METTL15: variants seen among roughly 807,000 people sequenced by gnomAD.
METTL15 encodes the protein methyltransferase 15, mitochondrial 12S rRNA N4-cytidine, also known as 12S rRNA N(4)-cytidine methyltransferase METTL15.
Under a neutral mutation model 38.3 loss-of-function variants are expected in METTL15, and 34 were observed. The ratio of observed to expected loss-of-function variants is 0.89; its 90% CI spans 0.68 to 1.18. METTL15 has a LOEUF of 1.18. METTL15 is among the 50% of genes most tolerant of loss of function. The pLI is 0.00. For missense variants in METTL15, 438 were observed against 498.4 expected, an observed-to-expected ratio of 0.88 and a Z score of 1.15; for synonymous variants, 162 against 170.9, an observed-to-expected ratio of 0.95 and a Z score of 0.41.
chr11:28,141,392 G>A (rs932055827), intron 3 of METTL15, among the ~76,000 whole-genome samples: 1 of 152,168 alleles, frequency 6.6e-6, no homozygotes, highest in East Asian at 1.9e-4. Flanking sequence ...TAATAGTGCT[G>A]TTATCTAAAG....
At chr11:28,267,515 T>C (rs972572140) in intron 4 of METTL15, among the ~76,000 whole-genome samples, 2 of 152,220 alleles carry the variant, frequency 1.3e-5, no homozygotes, top group Non-Finnish European at 2.9e-5. Context: ...TTGTCACTTA[T>C]TAAACTCTAT....
At chr11:28,261,866 A>G (rs1590230571) in intron 4 of METTL15, among the ~76,000 whole-genome samples, 1 of 152,214 alleles carries the variant, frequency 6.6e-6, no homozygotes, top group Non-Finnish European at 1.5e-5. Context: ...ACACTTTGCA[A>G]GTGTTATTTA....
intron 3 of METTL15, among the ~76,000 whole-genome samples, chr11:28,136,251 G>A (rs1849510367): frequency 6.6e-6 from 1 of 152,124 alleles, no homozygotes; most frequent in Non-Finnish European, 1.5e-5. Flanking sequence ...TGTCGAGGGT[G>A]GGCCAGGTGG....
intron 6 of METTL15, among the ~76,000 whole-genome samples, chr11:28,325,501 GA>G (rs1849606503): frequency 6.6e-6 from 1 of 152,188 alleles, no homozygotes; most frequent in Non-Finnish European, 1.5e-5. Context: ...CCGATGATGT[GA>G]ATGAAACTGT....
At position 28,505,566 on chromosome 11, in the gene METTL15, C is replaced by T. The variant is rs375671401; in HGVS notation, c.*425-20912C>T. The stretch of plus-strand genomic sequence containing the variant: ...TTCTGAGAACATTTTCTTCATAGCT[C>T]TCTGAAGACATTTATATTCTGCCTT... On this transcript the variant is annotated intron_variant and NMD_transcript_variant, in intron 6 of 7. Coordinates refer to the METTL15 transcript ENST00000532947. 6.3e-4 allele frequency among the ~76,000 whole-genome samples: 96 copies of T among 152,274 alleles called. 4 individuals carry two copies. The South Asian group carries it at 0.02, about 31-fold the overall frequency.
At chr11:28,380,289 T>A (rs1850368375) in intron 5 of METTL15, among the ~76,000 whole-genome samples, 1 of 150,544 alleles carries the variant, frequency 6.6e-6, no homozygotes, top group Admixed American at 6.7e-5. Flanking sequence ...TGCCTCAGCC[T>A]CCTGAGTAGC....
At chr11:28,193,148 T>C (rs1424224028) in intron 3 of METTL15, among the ~76,000 whole-genome samples, 1 of 152,096 alleles carries the variant, frequency 6.6e-6, no homozygotes, top group Non-Finnish European at 1.5e-5. Context: ...AATTTAGAAG[T>C]TTTCCTTCCA....
intron 6 of METTL15, among the ~76,000 whole-genome samples, chr11:28,440,711 G>T (rs994793959): frequency 2.4e-4 from 36 of 152,106 alleles, no homozygotes; most frequent in African/African-American, 8.7e-4. Context: ...GTCATCATAC[G>T]TGCACACATA....
chr11:28,248,720 A>G (rs532585271), intron 4 of METTL15, among the ~76,000 whole-genome samples: 2 of 152,130 alleles, frequency 1.3e-5, no homozygotes, highest in Admixed American at 1.3e-4. Context: ...CCACAAAATG[A>G]AAGTTATTTT....
chr11:28,448,277 G>C (rs527435622), intron 6 of METTL15, among the ~76,000 whole-genome samples: 1 of 152,032 alleles, frequency 6.6e-6, no homozygotes, highest in Non-Finnish European at 1.5e-5. Flanking sequence ...TTATGCCTTG[G>C]GCAGGGTTCC....
intron 3 of METTL15, among the ~76,000 whole-genome samples, chr11:28,153,144 C>CT (rs1164425803): frequency 6.6e-6 from 1 of 151,960 alleles, no homozygotes; most frequent in East Asian, 1.9e-4. Context: ...TCAGCATGGT[C>CT]TTTGTGACTA....
chr11:28,407,572 C>T (rs1383381418), intron 5 of METTL15, among the ~76,000 whole-genome samples: 1 of 152,156 alleles, frequency 6.6e-6, no homozygotes, highest in Non-Finnish European at 1.5e-5. Context: ...CTCAACATCA[C>T]TAATCATTAG....
intron 6 of METTL15, among the ~76,000 whole-genome samples, chr11:28,455,991 C>T (rs1378168437): frequency 1.3e-5 from 2 of 152,176 alleles, no homozygotes; most frequent in East Asian, 1.9e-4. Flanking sequence ...CAGGCATGAG[C>T]CACCGCGCCT....
chr11:28,380,837 AGT>A lies in METTL15; in HGVS notation c.*358+18802_*358+18803del, dbSNP rs1850375505. 6.1e-4 allele frequency among the ~76,000 whole-genome samples: 3 copies of A among 4,914 alleles called. No individual in the cohort carries two copies. In the South Asian group the frequency reaches 0.083, roughly 136 times the overall value. 3.2% of individuals were successfully genotyped at this position (4,914 alleles called of 152,430 possible). On this transcript the variant is annotated intron_variant and NMD_transcript_variant, in intron 5 of 7. Transcript: ENST00000532947. ...GCTAGATGTAGTATTATTAGATGAG[AGT>A]TTTTTTTTTTTCATTTCAGCACTTT...
At chr11:28,328,123 C>T in intron 6 of METTL15, 1 of 1,610,988 alleles carries the variant, frequency 6.2e-7, no homozygotes, top group Non-Finnish European at 8.5e-7. Context: ...TCCCAGTGGC[C>T]CAAACTCTTT....
rs1312145190 is a variant in METTL15 at position 28,296,795 on chromosome 11, A to T, written c.642A>T (p.Leu214Phe). The change falls in exon 6 of 7, where the codon TTA becomes TTT. Residue 214 changes from leucine (L) to phenylalanine (F), a missense_variant. By Grantham distance (22) the Leu-to-Phe change is conservative. Transcript: ENST00000407364. ...MPTAADVVNA[L>F]DQQALASILR... is the part of the protein sequence containing the mutation. The stretch of plus-strand genomic sequence containing the variant: ...CTGCTGCTGATGTTGTGAATGCTTT[A>T]GATCAACAGGCACTTGCATCTATCC... 1 of 1,613,444 alleles carries T rather than the reference A, an allele frequency of 6.2e-7. No homozygotes were observed. The highest frequency in any genetic ancestry group is 2.2e-5 in the East Asian group (1 of 44,850).
intron 3 of METTL15, among the ~76,000 whole-genome samples, chr11:28,161,412 A>G (rs1159135566): frequency 6.6e-6 from 1 of 152,096 alleles, no homozygotes; most frequent in Admixed American, 6.6e-5. Context: ...TAAGAAAAGT[A>G]GGAAGATCAT....
At chr11:28,334,602 T>G (rs137936421), downstream of METTL15, among the ~76,000 whole-genome samples, 2 of 152,214 alleles carry the variant, frequency 1.3e-5, no homozygotes, top group East Asian at 3.9e-4. Flanking sequence ...GAAGTATGGT[T>G]TGTAAAAATC....
intron 3 of METTL15, among the ~76,000 whole-genome samples, chr11:28,129,587 T>G (rs867407847): frequency 1.4e-4 from 22 of 152,034 alleles, no homozygotes; most frequent in South Asian, 2.1e-4. Context: ...TTTTTATATT[T>G]TTAGTAGAGA....
Sources: gnomAD v4.1 joint callset for allele counts (sites outside exome capture counted in the v4.1 genomes callset) on GRCh38, gnomAD v4.1.1 for gene constraint, MANE v1.5 for transcripts, NCBI Gene and HGNC (gene_info 2026-07-23, HGNC 2026-07-21) for gene names.